The following VMO1 variants were observed in gnomAD, a reference collection of about 807,000 sequenced individuals.
The protein encoded by VMO1 is vitelline membrane outer layer protein 1 homolog.
VMO1 carries 13 observed loss-of-function variants against 10.1 expected under a neutral mutation model. The ratio of observed to expected loss-of-function variants is 1.29; its 90% CI spans 0.84 to 2.05. VMO1 has a LOEUF of 2.05. Ranked by LOEUF, VMO1 falls within the 30% of genes most tolerant of loss-of-function variation. The pLI is 0.00. For synonymous variants in VMO1, 117 were observed against 122.2 expected, an observed-to-expected ratio of 0.96 and a Z score of 0.28; for missense variants, 304 against 276.9, an observed-to-expected ratio of 1.10 and a Z score of -0.70.
In VMO1 at chr17:4,786,056, G is replaced by A; in HGVS notation, c.196-4C>T. The A allele has an allele frequency of 1.2e-6, 2 of 1,614,188 alleles. No homozygotes were observed. Among genetic ancestry groups the A allele is most frequent in the Non-Finnish European group, 1.7e-6 (2 of 1,180,040 alleles). On this transcript the variant is annotated splice_region_variant and splice_polypyrimidine_tract_variant and intron_variant, in intron 1 of 2. Transcript: ENST00000328739. Reference sequence around the variant, plus strand: ...GAATGCCTTGGGGAGGCTCCACCTGGGTATCGAGGAGAGGGGCAAGGGCGA... The same window carrying A: ...GAATGCCTTGGGGAGGCTCCACCTGAGTATCGAGGAGAGGGGCAAGGGCGA...
chr17:4,785,712 C>T, intron 2 of VMO1, 53 bp from the exon 3 acceptor site: 1 of 1,548,022 alleles, frequency 6.5e-7, no homozygotes, highest in Non-Finnish European at 8.7e-7. Flanking sequence ...TTCACCAAGC[C>T]CTTGAGACTT....
intron 2 of VMO1, 24 bp from the exon 3 acceptor site, chr17:4,785,683 T>G: frequency 6.3e-7 from 1 of 1,591,722 alleles, no homozygotes; most frequent in Non-Finnish European, 8.5e-7. Flanking sequence ...GGAGATGCGT[T>G]GCCTCTGCGG....
In VMO1 at chr17:4,785,431, G is replaced by A. The variant is rs774462759; in HGVS notation, c.540C>T (p.Ile180=). 9 of 1,614,072 alleles carry A rather than the reference G, an allele frequency of 5.6e-6. No homozygotes were observed. The Admixed American group carries it at 8.3e-5, about 15-fold the overall frequency. Residue 180 remains isoleucine (I), a synonymous_variant, in exon 3 of 3, where the codon ATC becomes ATT. Coordinates refer to ENST00000328739, the MANE Select transcript of VMO1 (RefSeq NM_182566.3). ...PKGACGLQTK[I]QGPRGLGDDT... ...CATCGCCGAGGCCTCTAGGTCCCTGGATCTTGGTCTGCAGGCCGCACGCGC... is the reference window on the plus strand; with the variant it reads ...CATCGCCGAGGCCTCTAGGTCCCTGAATCTTGGTCTGCAGGCCGCACGCGC...
In VMO1 at chr17:4,786,340, C is replaced by A. The variant is rs1346422307; in HGVS notation, c.13G>T (p.Ala5Ser). 1 of 1,575,594 alleles carries A rather than the reference C, an allele frequency of 6.3e-7. No individual in the cohort carries two copies. The highest frequency in any genetic ancestry group is 2.3e-5 in the East Asian group (1 of 43,024). The change falls in exon 1 of 3, where the codon GCA (alanine) becomes TCA (serine). Residue 5 changes from alanine to serine, a missense_variant. Transcript: ENST00000328739. ...AGCAGCGGCAGCAGCTTGGCTCCTGCGCCCCGCTCCATCCTGTAGCGTCTG... is the reference window on the plus strand; with the variant it reads ...AGCAGCGGCAGCAGCTTGGCTCCTGAGCCCCGCTCCATCCTGTAGCGTCTG... MERG[A>S]GAKLLPLLLL...
rs764179272 is a variant in VMO1 at position 4,785,651 on chromosome 17, TCGC to T, written c.317_319del (p.Gly106del). 14 of 1,609,734 alleles carry T rather than the reference TCGC, an allele frequency of 8.7e-6. No individual in the cohort carries two copies. Among genetic ancestry groups the T allele is most frequent in the African/African-American group, 2.7e-5 (2 of 74,900 alleles). ...GCGACACCACAGCGGCTCACTCCAT[TCGC>T]CCCAGCTGCAAGGCAAAGGGAGATG... is the stretch of plus-strand genomic sequence containing the variant. On this transcript the variant is annotated inframe_deletion, in exon 3 of 3. Transcript: ENST00000328739.
In VMO1 at chr17:4,785,323, G is replaced by T. The variant is rs1374125832; in HGVS notation, c.*39C>A. On this transcript the variant is annotated 3_prime_UTR_variant, in exon 3 of 3. Transcript: ENST00000328739. ...GCTTTAATAGCAAGAGGTGGGACTA[G>T]CCTCCTGGCCCGGGAGAGAGCGGCG... is the stretch of plus-strand genomic sequence containing the variant. 2 of 1,570,250 alleles carry T rather than the reference G, an allele frequency of 1.3e-6. No individual in the cohort carries two copies. The highest frequency in any genetic ancestry group is 1.7e-6 in the Non-Finnish European group (2 of 1,159,720).
At chr17:4,785,696 C>T (rs1315309668) in intron 2 of VMO1, 37 bp from the exon 3 acceptor site, 1 of 1,572,326 alleles carries the variant, frequency 6.4e-7, no homozygotes. Context: ...CTCTGCGGGC[C>T]CCCCATTCAC....
rs532527868 is a variant in VMO1 at position 4,786,038 on chromosome 17, T to C, written c.210A>G (p.Gln70=). 1.9e-6 allele frequency: 3 copies of C among 1,614,208 alleles called. No individual in the cohort carries two copies. The highest frequency in any genetic ancestry group is 2.2e-5 in the East Asian group (1 of 44,882). ...GTGCAGTGTCGTCGCCAGGAATGCC[T>C]TGGGGAGGCTCCACCTGGGTATCGA... The part of the protein sequence containing the change: ...SGFSLKVEPP[Q]GIPGDDTALN... Residue 70 remains glutamine (Q), a synonymous_variant, in exon 2 of 3, where the codon CAA becomes CAG. Coordinates refer to ENST00000328739, the MANE Select transcript of VMO1 (RefSeq NM_182566.3).
intron 2 of VMO1, 119 bp from the exon 3 acceptor site, chr17:4,785,778 C>G: frequency 6.6e-7 from 1 of 1,510,978 alleles, no homozygotes; most frequent in South Asian, 1.2e-5. Context: ...CCGACCTCCG[C>G]CGAGGAGCGG....
At chr17:4,785,794 G>C (rs935057329) in intron 2 of VMO1, 135 bp from the exon 3 acceptor site, 2 of 1,521,418 alleles carry the variant, frequency 1.3e-6, no homozygotes, top group Non-Finnish European at 1.8e-6. Flanking sequence ...AGCGGAGGAG[G>C]GGTCTTCCAT....
At position 4,786,299 on chromosome 17, in the gene VMO1, C is replaced by T; in HGVS notation, c.54G>A (p.Ala18=). The T allele has an allele frequency of 6.2e-7, 1 of 1,607,624 alleles. No homozygotes were observed. The highest frequency in any genetic ancestry group is 8.5e-7 in the Non-Finnish European group (1 of 1,179,378). The change falls in exon 1 of 3, where the codon GCG becomes GCA. Residue 18 remains alanine, a synonymous_variant. Transcript: ENST00000328739. ...CTGTCTGTGCACATGTGAAACCAGT[C>T]GCCCGCAGAAGCAGCAGCAGCGGCA... The part of the protein sequence containing the change: ...KLLPLLLLLR[A]TGFTCAQTDG...
Position 4,785,572 on chromosome 17 carries a change from G to A in VMO1, c.399C>T (p.Leu133=). Residue 133 remains leucine (L), a synonymous_variant, in exon 3 of 3, where the codon CTC becomes CTT. Coordinates refer to ENST00000328739, the MANE Select transcript of VMO1 (RefSeq NM_182566.3). The part of the protein sequence containing the change: ...FSLRVEAPTT[L]GDNTAANNVR... The stretch of plus-strand genomic sequence containing the variant: ...CGTTGTTCGCTGCTGTGTTGTCACC[G>A]AGGGTCGTGGGTGCCTCCACGCGAA... The A allele has an allele frequency of 1.2e-6, 2 of 1,613,984 alleles. No individual in the cohort carries two copies. Among genetic ancestry groups the A allele is most frequent in the East Asian group, 2.2e-5 (1 of 44,886 alleles).
chr17:4,785,901 CAT>C (rs780025417), intron 2 of VMO1, 34 bp downstream of exon 2: 2 of 1,503,596 alleles, frequency 1.3e-6, no homozygotes, highest in South Asian at 2.4e-5. Context: ...AGGGACATAC[CAT>C]CACCCCAAGG....
rs138226966 is a variant in VMO1 at position 4,785,936 on chromosome 17, C to A, written c.311+1G>T. ...AGGGATCCTCGACCCCTGCGCCCCA[C>A]CTTCCAGACTGGGACTCTACCACGT... is the stretch of plus-strand genomic sequence containing the variant. On this transcript the variant is annotated splice_donor_variant, in intron 2 of 2. Transcript: ENST00000328739. LOFTEE classifies it high-confidence loss of function. 6.2e-7 allele frequency: 1 copy of A among 1,614,248 alleles called. No homozygotes were observed. The highest frequency in any genetic ancestry group is 1.3e-5 in the African/African-American group (1 of 75,074).
chr17:4,785,694 G>GC, intron 2 of VMO1, 35 bp from the exon 3 acceptor site: 2 of 1,576,914 alleles, frequency 1.3e-6, no homozygotes, highest in Non-Finnish European at 8.6e-7. Context: ...GCCTCTGCGG[G>GC]CCCCCCATTC....
intron 1 of VMO1, 49 bp downstream of exon 1, chr17:4,786,109 T>C (rs1176304017): frequency 6.2e-7 from 1 of 1,612,798 alleles, no homozygotes; most frequent in African/African-American, 1.3e-5. Context: ...CTTGGCTCTA[T>C]GGTCCCACGC....
chr17:4,785,526 C>T lies in VMO1; in HGVS notation c.445G>A (p.Gly149Ser), dbSNP rs755029305. Residue 149 changes from glycine to serine, a missense_variant, in exon 3 of 3, where the codon GGC (glycine) becomes AGC (serine). Transcript: ENST00000328739. ...ANNVRFRCSD[G>S]EELQGPGLSW... ...AGCCCAGGCCCCTGCAGTTCCTCGC[C>T]GTCTGAACAGCGGAAGCGCACGTTG... The T allele has an allele frequency of 6.2e-7, 1 of 1,614,218 alleles. No homozygotes were observed. Among genetic ancestry groups the T allele is most frequent in the African/African-American group, 1.3e-5 (1 of 75,072 alleles).
In VMO1 at chr17:4,785,594, C is replaced by G. The variant is rs1226933486; in HGVS notation, c.377G>C (p.Arg126Pro). 1.2e-6 allele frequency: 2 copies of G among 1,613,530 alleles called. No individual in the cohort carries two copies. Among genetic ancestry groups the G allele is most frequent in the Non-Finnish European group, 1.7e-6 (2 of 1,180,042 alleles). ...ACCGAGGGTCGTGGGTGCCTCCACG[C>G]GAAGCGAGAAAGCCACTAGGTAGGC... is the stretch of plus-strand genomic sequence containing the variant. Reference protein sequence around the residue: ...GGAYLVAFSLRVEAPTTLGDN... With the variant: ...GGAYLVAFSLPVEAPTTLGDN... Residue 126 changes from arginine to proline, a missense_variant, in exon 3 of 3, where the codon CGC becomes CCC. By Grantham distance (103) the Arg-to-Pro change is moderately radical. Coordinates refer to ENST00000328739, the MANE Select transcript of VMO1 (RefSeq NM_182566.3).
chr17:4,785,702 T>A (rs951447876), intron 2 of VMO1, 43 bp from the exon 3 acceptor site: 2 of 1,560,810 alleles, frequency 1.3e-6, no homozygotes, highest in Non-Finnish European at 8.7e-7. Flanking sequence ...GGGCCCCCCA[T>A]TCACCAAGCC....
Sources: allele counts gnomAD v4.1 joint callset, GRCh38; gene constraint gnomAD v4.1.1; transcripts MANE v1.5; gene names NCBI Gene and HGNC (gene_info 2026-07-23, HGNC 2026-07-21).